Variants in SPOCK1 observed in about 807,000 individuals in gnomAD.
SPOCK1 encodes testican-1.
In SPOCK1, 23 loss-of-function variants were observed where a neutral mutation model predicts 55.3. That is an observed-to-expected ratio of 0.42 (90% CI 0.30 to 0.59). The LOEUF is 0.59. SPOCK1 is among the 20% of genes least tolerant of loss of function. The pLI, the probability that SPOCK1 is intolerant of heterozygous loss-of-function variation, is 0.22. For synonymous variants in SPOCK1, 226 were observed against 221.0 expected, an observed-to-expected ratio of 1.02 and a Z score of -0.20; for missense variants, 499 against 552.5, an observed-to-expected ratio of 0.90 and a Z score of 0.97.
At chr5:137,167,632 C>T (rs1163636768) in intron 3 of SPOCK1, among the ~76,000 whole-genome samples, 2 of 141,554 alleles carry the variant, frequency 1.4e-5, no homozygotes, top group Non-Finnish European at 1.6e-5. Flanking sequence ...TCTCTGACCA[C>T]AATGGAATAA....
At chr5:137,001,887 T>C (rs1312071509) in intron 6 of SPOCK1, among the ~76,000 whole-genome samples, 1 of 152,162 alleles carries the variant, frequency 6.6e-6, no homozygotes, top group African/African-American at 2.4e-5. Context: ...AAAAAACATA[T>C]ACAAGGTGAA....
chr5:137,442,131 C>T (rs370447700), intron 2 of SPOCK1, among the ~76,000 whole-genome samples: 5 of 152,236 alleles, frequency 3.3e-5, no homozygotes, highest in Non-Finnish European at 5.9e-5. Context: ...CTTCAGCTAA[C>T]GCTAATCCCA....
chr5:136,980,176 G>A (rs1376053127), intron 9 of SPOCK1, among the ~76,000 whole-genome samples: 29 of 77,828 alleles, frequency 3.7e-4, no homozygotes, highest in African/African-American at 9.7e-4. Flanking sequence ...CTCCCTGTTT[G>A]CAGGCAAAAA....
chr5:137,103,697 C>T (rs989791954), intron 5 of SPOCK1, among the ~76,000 whole-genome samples: 1 of 152,218 alleles, frequency 6.6e-6, no homozygotes, highest in African/African-American at 2.4e-5. Context: ...CAGCTACAAC[C>T]TATATCCTAA....
intron 3 of SPOCK1, among the ~76,000 whole-genome samples, chr5:137,246,956 C>T (rs965219030): frequency 1.1e-4 from 17 of 152,168 alleles, no homozygotes; most frequent in Admixed American, 2.0e-4. Context: ...CTAATCTCCG[C>T]GGGTGGAGCC....
In SPOCK1 at chr5:137,370,739, G is replaced by A. The variant is rs75499647; in HGVS notation, c.187-103684C>T. Among the ~76,000 whole-genome samples, 1,253 of 152,340 alleles carry A rather than the reference G, an allele frequency of 8.2e-3. 18 individuals carry two copies. Among genetic ancestry groups the A allele is most frequent in the African/African-American group, 0.029 (1,191 of 41,570 alleles). ...CAATCATTAGAGTTTTAGCTGTACT[G>A]AGATTTCTCTAAGAAAACACTGTGG... is the stretch of plus-strand genomic sequence containing the variant. On this transcript the variant is annotated intron_variant, in intron 2 of 10. Coordinates refer to ENST00000394945, the MANE Select transcript of SPOCK1 (RefSeq NM_004598.4).
intron 2 of SPOCK1, among the ~76,000 whole-genome samples, chr5:137,479,690 C>G (rs1753908710): frequency 6.6e-6 from 1 of 152,350 alleles, no homozygotes; most frequent in African/African-American, 2.4e-5. Flanking sequence ...GCCTGGTGTC[C>G]TGGGACAACG....
At chr5:137,466,315 C>T (rs1753622488) in intron 2 of SPOCK1, among the ~76,000 whole-genome samples, 1 of 152,168 alleles carries the variant, frequency 6.6e-6, no homozygotes, top group Admixed American at 6.5e-5. Flanking sequence ...TTAAGAGGGT[C>T]ATGCCTAAAT....
chr5:137,237,063 T>C (rs543762705), intron 3 of SPOCK1, among the ~76,000 whole-genome samples: 1 of 152,312 alleles, frequency 6.6e-6, no homozygotes, highest in African/African-American at 2.4e-5. Flanking sequence ...CCCAATTAGC[T>C]TGCTAGCAGT....
At chr5:137,417,882 C>T (rs918249445) in intron 2 of SPOCK1, among the ~76,000 whole-genome samples, 3 of 152,060 alleles carry the variant, frequency 2.0e-5, no homozygotes, top group Non-Finnish European at 4.4e-5. Flanking sequence ...TATACATGTG[C>T]CATATTGGTG....
chr5:137,392,492 T>A (rs944334214), intron 2 of SPOCK1, among the ~76,000 whole-genome samples: 2 of 152,234 alleles, frequency 1.3e-5, no homozygotes, highest in Admixed American at 1.3e-4. Flanking sequence ...TGGTATGTGC[T>A]GCTCCCAGGG....
At chr5:137,301,238 C>T (rs945433421) in intron 2 of SPOCK1, among the ~76,000 whole-genome samples, 1 of 152,222 alleles carries the variant, frequency 6.6e-6, no homozygotes, top group Non-Finnish European at 1.5e-5. Flanking sequence ...CTCACACCTG[C>T]AGGATCTTCT....
At chr5:137,272,278 G>C (rs1383601372) in intron 2 of SPOCK1, among the ~76,000 whole-genome samples, 1 of 152,178 alleles carries the variant, frequency 6.6e-6, no homozygotes, top group East Asian at 1.9e-4. Context: ...GGGGGAATAG[G>C]AAGAAGATCT....
chr5:137,362,352 C>CA (rs1224876079), intron 2 of SPOCK1, among the ~76,000 whole-genome samples: 3 of 138,136 alleles, frequency 2.2e-5, no homozygotes, highest in Non-Finnish European at 4.6e-5. Context: ...TTTTTTGAGA[C>CA]AGAGTCTCGC....
intron 5 of SPOCK1, among the ~76,000 whole-genome samples, chr5:137,076,596 T>C (rs1399930287): frequency 1.5e-5 from 2 of 130,284 alleles, no homozygotes; most frequent in African/African-American, 6.0e-5. Context: ...TATTGAATAC[T>C]GGACTGAAAG....
chr5:137,193,114 G>A (rs2127071371), intron 3 of SPOCK1, among the ~76,000 whole-genome samples: 1 of 152,276 alleles, frequency 6.6e-6, no homozygotes, highest in South Asian at 2.1e-4. Context: ...TGTTTGTGTG[G>A]CAAAGACTCT....
chr5:137,052,446 A>G (rs1752223982), intron 6 of SPOCK1, among the ~76,000 whole-genome samples: 1 of 152,226 alleles, frequency 6.6e-6, no homozygotes, highest in Admixed American at 6.5e-5. Flanking sequence ...CACTTGTGGC[A>G]CATCTTTTCT....
At chr5:137,112,773 T>A (rs1753500552) in intron 4 of SPOCK1, among the ~76,000 whole-genome samples, 1 of 148,522 alleles carries the variant, frequency 6.7e-6, no homozygotes, top group East Asian at 2.0e-4. Context: ...ACAAACCAGA[T>A]GGACTGAGGA....
chr5:137,330,972 A>C (rs996865571), intron 2 of SPOCK1, among the ~76,000 whole-genome samples: 3 of 152,246 alleles, frequency 2.0e-5, no homozygotes, highest in Admixed American at 6.5e-5. Flanking sequence ...TTACAGGAGA[A>C]GGCCGGAGAG....
Sources: gnomAD v4.1 joint callset for allele counts (sites outside exome capture counted in the v4.1 genomes callset) on GRCh38, gnomAD v4.1.1 for gene constraint, MANE v1.5 for transcripts, NCBI Gene and HGNC (gene_info 2026-07-23, HGNC 2026-07-21) for gene names.